IGF2BP3: variants seen among roughly 807,000 people sequenced by gnomAD.
The protein encoded by IGF2BP3 is insulin-like growth factor 2 mRNA-binding protein 3.
In IGF2BP3, 9 loss-of-function variants were observed where a neutral mutation model predicts 73.8. The observed-to-expected ratio is 0.12, with a 90% CI of 0.07 to 0.21. The LOEUF is 0.21. Ranked by LOEUF, IGF2BP3 falls within the 10% of genes least tolerant of loss-of-function variation. The pLI is 1.00. For missense variants in IGF2BP3, 542 were observed against 714.0 expected (o/e 0.76, Z 2.75); for synonymous variants, 258 against 256.7 (o/e 1.01, Z -0.05).
intron 2 of IGF2BP3, among the ~76,000 whole-genome samples, chr7:23,446,711 T>C (rs1045555972): frequency 1.3e-5 from 2 of 152,140 alleles, no homozygotes; most frequent in Non-Finnish European, 2.9e-5. Flanking sequence ...AATCTCTACA[T>C]TGTCTCAAAA....
chr7:23,390,805 T>C (rs1786248458), intron 3 of IGF2BP3, among the ~76,000 whole-genome samples: 1 of 151,084 alleles, frequency 6.6e-6, no homozygotes, highest in Non-Finnish European at 1.5e-5. Flanking sequence ...GTTGCCTTTT[T>C]TTTTTTTTTT....
chr7:23,333,701 GA>G (rs899762128), intron 10 of IGF2BP3, among the ~76,000 whole-genome samples: 40 of 152,288 alleles, frequency 2.6e-4, no homozygotes, highest in African/African-American at 9.4e-4. Flanking sequence ...AGAAGCAACA[GA>G]ACTTGTCAAA....
intron 2 of IGF2BP3, among the ~76,000 whole-genome samples, chr7:23,428,636 A>T (rs1333578957): frequency 6.6e-6 from 1 of 151,050 alleles, no homozygotes; most frequent in Non-Finnish European, 1.5e-5. Context: ...GGGCCCACGA[A>T]GTTGAGAGGC....
At chr7:23,434,338 A>G (rs1232378797) in intron 2 of IGF2BP3, among the ~76,000 whole-genome samples, 1 of 152,156 alleles carries the variant, frequency 6.6e-6, no homozygotes, top group Non-Finnish European at 1.5e-5. Context: ...GTTGCAGTTG[A>G]TCATTATCAA....
chr7:23,374,019 G>C (rs1280812188), intron 3 of IGF2BP3, among the ~76,000 whole-genome samples: 1 of 152,226 alleles, frequency 6.6e-6, no homozygotes, highest in Non-Finnish European at 1.5e-5. Context: ...CTGGAGCCAT[G>C]CTGGTATAGC....
At chr7:23,398,578 C>T (rs1422896043) in intron 3 of IGF2BP3, among the ~76,000 whole-genome samples, 4 of 152,268 alleles carry the variant, frequency 2.6e-5, no homozygotes, top group East Asian at 1.9e-4. Context: ...GGACCTGTTG[C>T]TTCCTGACTT....
At chr7:23,349,957 G>C (rs1229593246) in intron 6 of IGF2BP3, among the ~76,000 whole-genome samples, 1 of 152,176 alleles carries the variant, frequency 6.6e-6, no homozygotes, top group Non-Finnish European at 1.5e-5. Flanking sequence ...GACTGACTAG[G>C]TTATGGTCCA....
At chr7:23,432,536 A>T (rs191875021) in intron 2 of IGF2BP3, among the ~76,000 whole-genome samples, 59 of 151,944 alleles carry the variant, frequency 3.9e-4, no homozygotes, top group African/African-American at 1.4e-3. Flanking sequence ...ACAAACAAAC[A>T]AAAAAAACAG....
At chr7:23,428,920 G>A (rs1005061575) in intron 2 of IGF2BP3, among the ~76,000 whole-genome samples, 1 of 152,014 alleles carries the variant, frequency 6.6e-6, no homozygotes, top group Non-Finnish European at 1.5e-5. Context: ...CCAGCAAAAC[G>A]GCTTCTTCAT....
chr7:23,314,891 G>A (rs537962750), intron 12 of IGF2BP3, among the ~76,000 whole-genome samples: 11 of 151,952 alleles, frequency 7.2e-5, no homozygotes, highest in Admixed American at 3.3e-4. Flanking sequence ...TCCGACCCCC[G>A]GGTTCAAGCC....
chr7:23,394,855 T>C (rs759240995), intron 3 of IGF2BP3, among the ~76,000 whole-genome samples: 1 of 152,232 alleles, frequency 6.6e-6, no homozygotes, highest in East Asian at 1.9e-4. Flanking sequence ...ATGTCCTTTA[T>C]GGGAAAGATA....
Position 23,431,388 on chromosome 7 carries a change from T to C in IGF2BP3, c.237-12564A>G, listed in dbSNP as rs558141802. On this transcript the variant is annotated intron_variant, in intron 2 of 14. Coordinates refer to ENST00000258729, the MANE Select transcript of IGF2BP3 (RefSeq NM_006547.3). ...TCTCCATCCCCCTATAAAATTCCTATAGATTTTATAGTTTAGCAGAAGAAA... is the reference window on the plus strand; with the variant it reads ...TCTCCATCCCCCTATAAAATTCCTACAGATTTTATAGTTTAGCAGAAGAAA... 19 of 152,278 alleles carry C rather than the reference T, an allele frequency of 1.2e-4. No homozygotes were observed. The East Asian group carries it at 3.5e-3, about 28-fold the overall frequency. 9.4% of individuals were successfully genotyped at this position (152,278 alleles called of 1,614,324 possible).
chr7:23,317,892 A>G, intron 11 of IGF2BP3, 179 bp from the exon 12 acceptor site: 1 of 626,524 alleles, frequency 1.6e-6, no homozygotes, highest in Admixed American at 2.4e-5. Context: ...CCTCCTGCAT[A>G]TACTATATGC....
At chr7:23,421,418 C>A (rs1162438455) in intron 2 of IGF2BP3, among the ~76,000 whole-genome samples, 1 of 152,052 alleles carries the variant, frequency 6.6e-6, no homozygotes, top group Non-Finnish European at 1.5e-5. Context: ...TGCGGCCGGA[C>A]ACAGTGGCTC....
chr7:23,330,260 C>G lies in IGF2BP3; in HGVS notation c.1204-11006G>C, dbSNP rs570926120. 3.3e-5 allele frequency among the ~76,000 whole-genome samples: 5 copies of G among 150,640 alleles called. No homozygotes were observed. The East Asian group carries it at 9.7e-4, about 29-fold the overall frequency. On this transcript the variant is annotated intron_variant, in intron 10 of 14. Coordinates refer to ENST00000258729, the MANE Select transcript of IGF2BP3 (RefSeq NM_006547.3). ...GAGATCACACCATTGCACTCCAGCC[C>G]GGGTGACAGTACAAGACTCTGTCTC... is the stretch of plus-strand genomic sequence containing the variant.
chr7:23,407,471 T>C (rs1479019504), intron 3 of IGF2BP3, among the ~76,000 whole-genome samples: 1 of 151,886 alleles, frequency 6.6e-6, no homozygotes, highest in Admixed American at 6.6e-5. Context: ...TAGCTGGGCA[T>C]GGTGGCGCAT....
At chr7:23,368,327 A>AAAGAAAGAAAAAAAG in intron 3 of IGF2BP3, among the ~76,000 whole-genome samples, 1 of 124,620 alleles carries the variant, frequency 8.0e-6, no homozygotes, top group African/African-American at 3.2e-5. Flanking sequence ...AGAGAGAAAG[A>AAAGAAAGAAAAAAAG]AAAGAAAGAA....
At chr7:23,355,755 A>G (rs531853272) in intron 5 of IGF2BP3, among the ~76,000 whole-genome samples, 13 of 152,230 alleles carry the variant, frequency 8.5e-5, no homozygotes, top group African/African-American at 3.1e-4. Context: ...CAATATGACA[A>G]AACTCTGTCT....
intron 11 of IGF2BP3, among the ~76,000 whole-genome samples, chr7:23,318,854 A>G (rs1583876183): frequency 6.6e-6 from 1 of 152,162 alleles, no homozygotes; most frequent in African/African-American, 2.4e-5. Flanking sequence ...ACCAAGAGGG[A>G]CCAAGGCCGT....
Sources: gnomAD v4.1 joint callset for allele counts (sites outside exome capture counted in the v4.1 genomes callset) on GRCh38, gnomAD v4.1.1 for gene constraint, MANE v1.5 for transcripts, NCBI Gene and HGNC (gene_info 2026-07-23, HGNC 2026-07-21) for gene names.